The following CHD4 variants were observed in gnomAD, a reference collection of about 807,000 sequenced individuals.
The protein encoded by CHD4 is ATP-dependent chromatin remodeler CHD4.
A neutral mutation model predicts 235.5 loss-of-function variants in CHD4; 35 were observed. The ratio of observed to expected loss-of-function variants is 0.15; its 90% CI spans 0.11 to 0.20. CHD4 has a LOEUF of 0.20. CHD4 is among the 10% of genes least tolerant of loss of function. The pLI is 1.00. For synonymous variants in CHD4, 900 were observed against 850.2 expected, an observed-to-expected ratio of 1.06 and a Z score of -1.02; for missense variants, 1,329 against 2,432.3, an observed-to-expected ratio of 0.55 and a Z score of 9.54.
chr12:6,578,588 C>T (rs1948114040), intron 34 of CHD4, 42 bp from the exon 35 acceptor site: 1 of 1,606,616 alleles, frequency 6.2e-7, no homozygotes, highest in Non-Finnish European at 8.5e-7. Flanking sequence ...CCAGCCAAAG[C>T]CCAGCACCAT....
intron 1 of CHD4, chr12:6,606,668 C>T (rs1345407363): frequency 9.6e-6 from 3 of 311,102 alleles, no homozygotes; most frequent in African/African-American, 2.2e-5. Context: ...CCTCCGAGGG[C>T]AGGCTGGTGC....
At chr12:6,588,874 G>A (rs1402461191) in intron 22 of CHD4, among the ~76,000 whole-genome samples, 1 of 152,136 alleles carries the variant, frequency 6.6e-6, no homozygotes, top group Non-Finnish European at 1.5e-5. Context: ...GAGCCCAAGA[G>A]TTCAAGGTTA....
intron 12 of CHD4, 66 bp downstream of exon 12, chr12:6,597,828 T>C: frequency 7.0e-7 from 1 of 1,424,950 alleles, no homozygotes; most frequent in Non-Finnish European, 9.8e-7. Context: ...TGACAGCCAT[T>C]TTCCCAATCT....
chr12:6,606,408 T>G lies in CHD4; in HGVS notation c.-35A>C, dbSNP rs778952479. The G allele has an allele frequency of 2.1e-5, 32 of 1,494,316 alleles. 1 individual carries two copies. In the South Asian group the frequency reaches 3.7e-4, roughly 17 times the overall value. The allele number at this position is 1,494,316 out of a possible 1,614,324, so 92.6% of individuals were successfully genotyped here. ...CTCCCGGCCAGGGAATTGGCCCAGC[T>G]GCTCCTGCCGGCGGCCTGAGGACCT... On this transcript the variant is annotated 5_prime_UTR_variant, in exon 2 of 40. Coordinates refer to ENST00000544040, the MANE Select transcript of CHD4 (RefSeq NM_001273.5).
chr12:6,602,088 C>T lies in CHD4; in HGVS notation c.310G>A (p.Asp104Asn). ...EEEEEVALRSDSEGSDYTPGK... is the reference protein window; with the variant it reads ...EEEEEVALRSNSEGSDYTPGK... ...GGAGTATAGTCGCTGCCCTCACTGT[C>T]TGAGCGCAGAGCCACCTCTTCCTCC... The change falls in exon 4 of 40, where the codon GAC (aspartate) becomes AAC (asparagine). Residue 104 changes from aspartate (D) to asparagine (N), a missense_variant. Asp to Asn is a conservative substitution (Grantham distance 23). Coordinates refer to ENST00000544040, the MANE Select transcript of CHD4 (RefSeq NM_001273.5). 1 of 1,613,632 alleles carries T rather than the reference C, an allele frequency of 6.2e-7. No homozygotes were observed. The highest frequency in any genetic ancestry group is 8.5e-7 in the Non-Finnish European group (1 of 1,179,846).
intron 28 of CHD4, 46 bp downstream of exon 28, chr12:6,582,802 T>A: frequency 6.2e-7 from 1 of 1,613,966 alleles, no homozygotes; most frequent in Non-Finnish European, 8.5e-7. Context: ...CCACCAAAGA[T>A]GCAATATCTG....
In CHD4 at chr12:6,581,798, T is replaced by C; in HGVS notation, c.4532A>G (p.His1511Arg). Residue 1511 changes from histidine (H) to arginine (R), a missense_variant, in exon 31 of 40, where the codon CAT becomes CGT. By Grantham distance (29) the His-to-Arg change is conservative. Around this residue, in one of 26 missense-constraint regions of CHD4, gnomAD observed 219 missense variants for 219.3 expected, o/e 1.00. Transcript: ENST00000544040. ...AGGCATGCTCCAGCGCCCATTAACATGTTCAAACTCCTGAACCTGTAGCAA... is the reference window on the plus strand; with the variant it reads ...AGGCATGCTCCAGCGCCCATTAACACGTTCAAACTCCTGAACCTGTAGCAA... ...LIRKKVQEFE[H>R]VNGRWSMPEL... The C allele has an allele frequency of 6.5e-7, 1 of 1,528,160 alleles. No homozygotes were observed. Among genetic ancestry groups the C allele is most frequent in the Non-Finnish European group, 8.8e-7 (1 of 1,138,562 alleles). 94.7% of individuals were successfully genotyped at this position (1,528,160 alleles called of 1,614,324 possible).
chr12:6,597,357 T>C (rs1199739329), intron 12 of CHD4, among the ~76,000 whole-genome samples: 1 of 152,150 alleles, frequency 6.6e-6, no homozygotes, highest in African/African-American at 2.4e-5. Context: ...TCCTAACACT[T>C]TGGGAAGCTG....
chr12:6,583,433 A>G, intron 25 of CHD4, 55 bp from the exon 26 acceptor site: 2 of 1,467,698 alleles, frequency 1.4e-6, no homozygotes, highest in Middle Eastern at 1.8e-4. Context: ...ACCACCAGCT[A>G]CCCCTGGTCC....
rs1460121436 is a variant in CHD4, at chr12:6,598,433, A to G, written c.1483-8T>C. ...GCCCTTCAGAGCTGGACACTGAGAG[A>G]AAAAGAGACAACTTAATCTCAAATC... On this transcript the variant is annotated splice_polypyrimidine_tract_variant and splice_region_variant and intron_variant, in intron 10 of 39. Transcript: ENST00000544040. 6.3e-7 allele frequency: 1 copy of G among 1,578,452 alleles called. No homozygotes were observed. The highest frequency in any genetic ancestry group is 2.3e-5 in the East Asian group (1 of 44,382).
Position 6,600,292 on chromosome 12 carries a change from G to A in CHD4, c.1167C>T (p.Pro389=). 1.4e-5 allele frequency: 23 copies of A among 1,614,088 alleles called. No individual in the cohort carries two copies. Among genetic ancestry groups the A allele is most frequent in the Non-Finnish European group, 1.9e-5 (23 of 1,180,004 alleles). ...CCAGGCAGACCATGTGGTAAGCACG[G>A]GGACAGGTATCACACAGGATGATCT... ...GGEIILCDTC[P]RAYHMVCLDP... Residue 389 remains proline (P), a synonymous_variant, in exon 9 of 40, where the codon CCC becomes CCT. Transcript: ENST00000544040.
intron 37 of CHD4, among the ~76,000 whole-genome samples, chr12:6,577,521 CA>C (rs1948092236): frequency 6.6e-6 from 1 of 152,014 alleles, no homozygotes; most frequent in Non-Finnish European, 1.5e-5. Flanking sequence ...CTGAATACTC[CA>C]ATCTGCAGTG....
intron 22 of CHD4, 44 bp downstream of exon 22, chr12:6,591,422 A>G (rs764988979): frequency 6.8e-7 from 1 of 1,477,562 alleles, no homozygotes; most frequent in Non-Finnish European, 9.4e-7. Flanking sequence ...CAAAGATATA[A>G]GCAAATGAGG....
Position 6,593,705 on chromosome 12 carries a change from T to C in CHD4, c.2314-89A>G. ...CCACCACCCTGCTGCCCCCTCAAGC[T>C]GAGCCAAGGACTGACACACCTGCGC... On this transcript the variant is annotated intron_variant, in intron 15 of 39. Transcript: ENST00000544040. The surrounding 1 kb of genome is among the most constrained non-coding windows in gnomAD (Gnocchi z 4.9). 1 of 1,216,014 alleles carries C rather than the reference T, an allele frequency of 8.2e-7. No individual in the cohort carries two copies. The highest frequency in any genetic ancestry group is 1.2e-6 in the Non-Finnish European group (1 of 848,934). The allele number at this position is 1,216,014 out of a possible 1,614,324, so 75.3% of individuals were successfully genotyped here. A position where few individuals can be genotyped will look rare whatever the true frequency, so the allele number is the denominator to read the frequency against.
intron 1 of CHD4, 142 bp from the exon 2 acceptor site, chr12:6,606,593 A>C: frequency 2.3e-6 from 1 of 436,150 alleles, no homozygotes; most frequent in Non-Finnish European, 4.1e-6. Context: ...TTAGTTCCAC[A>C]CTCCTCGGGG....
chr12:6,597,795 G>A (rs1216788813), intron 12 of CHD4, 99 bp downstream of exon 12: 9 of 1,065,686 alleles, frequency 8.4e-6, no homozygotes, highest in African/African-American at 7.9e-5. Flanking sequence ...AAAAACCAGT[G>A]TCTTCCAAGT....
intron 15 of CHD4, 115 bp downstream of exon 15, chr12:6,594,344 G>C (rs771320675): frequency 1.2e-6 from 1 of 825,302 alleles, no homozygotes; most frequent in African/African-American, 1.7e-5. Context: ...TATCCACAGT[G>C]TTCTTGAAGG....
At chr12:6,597,120 A>C (rs1286304223) in intron 12 of CHD4, among the ~76,000 whole-genome samples, 2 of 148,440 alleles carry the variant, frequency 1.3e-5, no homozygotes, top group Non-Finnish European at 3.0e-5. Flanking sequence ...ATACAAAAAA[A>C]AAAAAATTAG....
At chr12:6,591,364 G>T (rs1948396857) in intron 22 of CHD4, 102 bp downstream of exon 22, 1 of 875,324 alleles carries the variant, frequency 1.1e-6, no homozygotes, top group Non-Finnish European at 1.8e-6. Context: ...AAATGACAAA[G>T]TCCCAAAAGA....
Sources: gnomAD v4.1 joint callset for allele counts (sites outside exome capture counted in the v4.1 genomes callset) on GRCh38, gnomAD v4.1.1 for gene constraint, gnomAD v4.1.1 regional missense constraint, Gnocchi (gnomAD v3.1) non-coding constraint, MANE v1.5 for transcripts, NCBI Gene and HGNC (gene_info 2026-07-23, HGNC 2026-07-21) for gene names.